Variants in MTHFD2L observed in about 807,000 individuals in gnomAD.
The protein encoded by MTHFD2L is bifunctional methylenetetrahydrofolate dehydrogenase/cyclohydrolase 2, mitochondrial.
MTHFD2L carries 29 observed loss-of-function variants against 34.9 expected under a neutral mutation model. The observed-to-expected ratio is 0.83, with a 90% CI of 0.62 to 1.13. The LOEUF (loss-of-function observed/expected upper bound fraction) is 1.13. Among genes scored for constraint, MTHFD2L ranks in the 50% most tolerant of loss-of-function variants. MTHFD2L has a pLI of 0.00. For missense variants in MTHFD2L, 481 were observed against 446.5 expected (o/e 1.08, Z -0.70); for synonymous variants, 167 against 155.7 (o/e 1.07, Z -0.54).
At chr4:74,258,543 T>A (rs938710057) in intron 6 of MTHFD2L, among the ~76,000 whole-genome samples, 1 of 152,144 alleles carries the variant, frequency 6.6e-6, no homozygotes, top group African/African-American at 2.4e-5. Flanking sequence ...TGACTTTATA[T>A]GAGTTTTTCA....
chr4:74,134,621 C>T (rs1722776832), intron 1 of MTHFD2L, among the ~76,000 whole-genome samples: 1 of 152,032 alleles, frequency 6.6e-6, no homozygotes, highest in South Asian at 2.1e-4. Context: ...CTAGACAAAG[C>T]AAAGTTCCAG....
At chr4:74,212,643 TGTG>T (rs1232047103) in intron 5 of MTHFD2L, among the ~76,000 whole-genome samples, 1 of 152,180 alleles carries the variant, frequency 6.6e-6, no homozygotes, top group Non-Finnish European at 1.5e-5. Context: ...ATAAGTGTGA[TGTG>T]GTGTCGAGAA....
At chr4:74,300,886 G>T (rs954682330) in intron 7 of MTHFD2L, among the ~76,000 whole-genome samples, 1 of 151,988 alleles carries the variant, frequency 6.6e-6, no homozygotes, top group African/African-American at 2.4e-5. Flanking sequence ...GCCTATATTT[G>T]GACAAATAAT....
intron 6 of MTHFD2L, among the ~76,000 whole-genome samples, chr4:74,278,861 A>G (rs897589783): frequency 3.3e-5 from 5 of 152,078 alleles, no homozygotes; most frequent in Non-Finnish European, 1.5e-5. Context: ...TGTCCTTCCA[A>G]ATTATTCATT....
chr4:74,256,318 C>T (rs1744022181), intron 6 of MTHFD2L, among the ~76,000 whole-genome samples: 1 of 151,964 alleles, frequency 6.6e-6, no homozygotes, highest in African/African-American at 2.4e-5. Flanking sequence ...ATCATGTTGG[C>T]CAGGCTGGTC....
Position 74,141,650 on chromosome 4 carries a change from C to T in MTHFD2L, c.-297+16133C>T, listed in dbSNP as rs796971767. ...TCTACTCTCTTGTCACTCACTTGATCTCAAGTAAATTACCTAACCTTTTAG... is the reference window on the plus strand; with the variant it reads ...TCTACTCTCTTGTCACTCACTTGATTTCAAGTAAATTACCTAACCTTTTAG... On this transcript the variant is annotated intron_variant, in intron 1 of 7. Coordinates refer to the MTHFD2L transcript ENST00000433372. Among the ~76,000 whole-genome samples, 122 of 152,284 alleles carry T rather than the reference C, an allele frequency of 8.0e-4. 1 individual carries two copies. Among genetic ancestry groups the T allele is most frequent in the African/African-American group, 2.7e-3 (111 of 41,558 alleles).
intron 6 of MTHFD2L, chr4:74,241,641 G>A (rs749716620): frequency 4.6e-6 from 2 of 433,074 alleles, no homozygotes; most frequent in Non-Finnish European, 9.3e-6. Flanking sequence ...GCTTCCCAAA[G>A]TGCTGAGATT....
intron 3 of MTHFD2L, among the ~76,000 whole-genome samples, chr4:74,196,806 C>G (rs996568687): frequency 1.3e-5 from 2 of 152,018 alleles, no homozygotes; most frequent in Middle Eastern, 6.8e-3. Flanking sequence ...ATTAACCAGG[C>G]ATGGTGGCAC....
intron 6 of MTHFD2L, among the ~76,000 whole-genome samples, chr4:74,263,573 T>C (rs766913829): frequency 6.6e-6 from 1 of 152,038 alleles, no homozygotes; most frequent in African/African-American, 2.4e-5. Context: ...TGAGGTATTA[T>C]ATTTTACTCT....
chr4:74,199,695 G>T, intron 3 of MTHFD2L, 99 bp from the exon 4 acceptor site: 1 of 1,028,018 alleles, frequency 9.7e-7, no homozygotes, highest in Non-Finnish European at 1.4e-6. Context: ...TTTTAGAGCC[G>T]AATTATAAGT....
chr4:74,219,758 G>T (rs950978402), intron 5 of MTHFD2L, among the ~76,000 whole-genome samples: 1 of 152,084 alleles, frequency 6.6e-6, no homozygotes, highest in African/African-American at 2.4e-5. Flanking sequence ...CCGAATAACA[G>T]GCTGAATGCC....
chr4:74,245,194 C>CAAAAAAAAA (rs57639523), intron 6 of MTHFD2L, among the ~76,000 whole-genome samples: 2 of 66,362 alleles, frequency 3.0e-5, no homozygotes, highest in African/African-American at 1.3e-4. Context: ...GACTCAGTCT[C>CAAAAAAAAA]AAAAAAAAAA....
At chr4:74,237,006 C>G (rs1286296610) in intron 6 of MTHFD2L, among the ~76,000 whole-genome samples, 1 of 151,996 alleles carries the variant, frequency 6.6e-6, no homozygotes, top group Non-Finnish European at 1.5e-5. Flanking sequence ...ATAAAATATG[C>G]CTTTACATTT....
chr4:74,192,259 C>T (rs1350822089), intron 3 of MTHFD2L, among the ~76,000 whole-genome samples: 3 of 152,122 alleles, frequency 2.0e-5, no homozygotes, highest in Non-Finnish European at 2.9e-5. Flanking sequence ...CGCCTCCCAA[C>T]ATATTGTTAT....
intron 1 of MTHFD2L, among the ~76,000 whole-genome samples, chr4:74,170,648 C>A (rs146764918): frequency 2.0e-5 from 3 of 151,976 alleles, no homozygotes; most frequent in Non-Finnish European, 4.4e-5. Context: ...AGGCAAAGCA[C>A]AGACTGGGAG....
rs1746156035 is a variant in MTHFD2L, at chr4:74,272,746, C to A, written c.806-8679C>A. On this transcript the variant is annotated intron_variant, in intron 6 of 7. Coordinates refer to ENST00000325278, the MANE Select transcript of MTHFD2L (RefSeq NM_001144978.3). ...GGCAATAGGCTGTTTCCCGTTTCTG[C>A]TTTTTCTTGTGTTTTAACTCTTTTA... is the stretch of plus-strand genomic sequence containing the variant. Among the ~76,000 whole-genome samples the A allele has an allele frequency of 2.0e-5, 3 of 152,132 alleles. No homozygotes were observed. The South Asian group carries it at 6.2e-4, about 31-fold the overall frequency.
At chr4:74,198,295 A>G (rs1165611864) in intron 3 of MTHFD2L, among the ~76,000 whole-genome samples, 1 of 152,160 alleles carries the variant, frequency 6.6e-6, no homozygotes, top group Non-Finnish European at 1.5e-5. Context: ...GGGAGCGCAA[A>G]AAATGGTAGA....
chr4:74,170,691 C>T lies in MTHFD2L; in HGVS notation c.144-3815C>T, dbSNP rs530208049. 1.1e-4 allele frequency among the ~76,000 whole-genome samples: 16 copies of T among 151,958 alleles called. No individual in the cohort carries two copies. In the South Asian group the frequency reaches 3.3e-3, roughly 32 times the overall value. On this transcript the variant is annotated intron_variant, in intron 1 of 7. Transcript: ENST00000325278. ...TTCAAACCCCATATCTGATAAAGGA[C>T]ATGAATCTAGGATACACAAAGAACT...
At chr4:74,294,472 A>G (rs1157536451) in intron 7 of MTHFD2L, among the ~76,000 whole-genome samples, 1 of 152,108 alleles carries the variant, frequency 6.6e-6, no homozygotes, top group Admixed American at 6.6e-5. Context: ...CCTGTCATGA[A>G]GGATGGATTG....
Sources: allele counts gnomAD v4.1 joint callset (sites outside exome capture counted in the v4.1 genomes callset), GRCh38; gene constraint gnomAD v4.1.1; transcripts MANE v1.5; gene names NCBI Gene and HGNC (gene_info 2026-07-23, HGNC 2026-07-21).